DYM: variants seen among roughly 807,000 people sequenced by gnomAD.
The protein encoded by DYM is dymeclin, also known as dyggve-Melchior-Clausen syndrome protein.
In DYM, 78 loss-of-function variants were observed where a neutral mutation model predicts 93.1. The observed-to-expected ratio is 0.84, with a 90% CI of 0.70 to 1.01. The LOEUF (loss-of-function observed/expected upper bound fraction) is 1.01, where lower values mean the gene tolerates loss of function less well. Ranked by LOEUF, DYM falls within the 50% of genes least tolerant of loss-of-function variation. The probability of loss-of-function intolerance (pLI) is 0.00; values close to 1 mark genes in which losing one functional copy is unlikely to be tolerated. For synonymous variants in DYM, 321 were observed against 319.7 expected (o/e 1.00, Z -0.04); for missense variants, 789 against 845.0 (o/e 0.93, Z 0.82).
At chr18:49,100,999 C>G (rs759192359) in intron 16 of DYM, among the ~76,000 whole-genome samples, 1 of 152,194 alleles carries the variant, frequency 6.6e-6, no homozygotes, top group Non-Finnish European at 1.5e-5. Flanking sequence ...GACTGCAACA[C>G]CAGCAAAGAA....
At chr18:49,332,391 C>T (rs139585789) in intron 7 of DYM, among the ~76,000 whole-genome samples, 1,654 of 152,260 alleles carry the variant, frequency 0.011, 15 homozygotes, top group Non-Finnish European at 0.017. Context: ...CGTGAGCCAC[C>T]GTGCCCAGCC....
intron 1 of DYM, among the ~76,000 whole-genome samples, chr18:49,435,099 T>C (rs2080708518): frequency 6.7e-6 from 1 of 149,444 alleles, no homozygotes; most frequent in Non-Finnish European, 1.5e-5. Flanking sequence ...TCCCAGCTTC[T>C]AGGGAGACTA....
At chr18:49,100,213 T>C (rs1018966304) in intron 16 of DYM, among the ~76,000 whole-genome samples, 2 of 152,202 alleles carry the variant, frequency 1.3e-5, no homozygotes, top group Non-Finnish European at 2.9e-5. Flanking sequence ...TAATATTTTC[T>C]TTCCATGCTT....
At chr18:49,257,795 C>T (rs1228274040) in intron 12 of DYM, among the ~76,000 whole-genome samples, 1 of 151,524 alleles carries the variant, frequency 6.6e-6, no homozygotes, top group African/African-American at 2.4e-5. Context: ...TTACAGTGAG[C>T]TATGATTGTG....
Position 49,441,276 on chromosome 18 carries a change from T to TTATATATATATATAATTATATAA in DYM, c.-53-10830_-53-10829insTTATATAATTATATATATATATA, listed in dbSNP as rs1568454725. On this transcript the variant is annotated intron_variant, in intron 1 of 17. Coordinates refer to ENST00000675505, the MANE Select transcript of DYM (RefSeq NM_001353214.3). Reference sequence around the variant, plus strand: ...GTTATATATAATTATATAATATATATTATATAATTATATATAATATAATTA... The same window carrying TTATATATATATATAATTATATAA: ...GTTATATATAATTATATAATATATATTATATATATATATAATTATATAATATATAATTATATATAATATAATTA... Among the ~76,000 whole-genome samples, 39 of 43,294 alleles carry TTATATATATATATAATTATATAA rather than the reference T, an allele frequency of 9.0e-4. 1 individual carries two copies. The highest frequency in any genetic ancestry group is 3.4e-3 in the African/African-American group (37 of 10,776). 28.4% of individuals were successfully genotyped at this position (43,294 alleles called of 152,430 possible). A position where few individuals can be genotyped will look rare whatever the true frequency, so the allele number is the denominator to read the frequency against.
chr18:49,444,667 A>G (rs2081950751), intron 1 of DYM, among the ~76,000 whole-genome samples: 1 of 152,204 alleles, frequency 6.6e-6, no homozygotes, highest in Non-Finnish European at 1.5e-5. Context: ...CGAACATTCC[A>G]CATTTCAAAA....
intron 5 of DYM, among the ~76,000 whole-genome samples, chr18:49,374,257 C>T (rs1292595407): frequency 2.0e-5 from 3 of 152,082 alleles, no homozygotes; most frequent in Non-Finnish European, 4.4e-5. Flanking sequence ...TCTCACACAC[C>T]AACTTAGTTA....
At chr18:49,119,228 A>G (rs931303534) in intron 15 of DYM, among the ~76,000 whole-genome samples, 1 of 152,224 alleles carries the variant, frequency 6.6e-6, no homozygotes, top group Non-Finnish European at 1.5e-5. Context: ...TAATAGATCC[A>G]TATTGGTATT....
chr18:49,258,515 T>G (rs954623145), intron 11 of DYM, 22 bp from the exon 12 acceptor site: 19 of 1,421,718 alleles, frequency 1.3e-5, no homozygotes, highest in Middle Eastern at 1.7e-4. Flanking sequence ...AAGAAAAGTT[T>G]AAGTAAAAAA....
At chr18:49,139,959 C>T (rs367710524) in intron 15 of DYM, among the ~76,000 whole-genome samples, 2 of 152,036 alleles carry the variant, frequency 1.3e-5, no homozygotes, top group African/African-American at 4.8e-5. Context: ...ATCCTGCTGG[C>T]TTTCTCTCTT....
At chr18:49,307,706 G>T (rs2061352502) in intron 8 of DYM, among the ~76,000 whole-genome samples, 1 of 152,060 alleles carries the variant, frequency 6.6e-6, no homozygotes, top group South Asian at 2.1e-4. Flanking sequence ...CTTTAACTTA[G>T]ATCAGAACAA....
chr18:49,388,796 G>A (rs922768128), intron 3 of DYM, among the ~76,000 whole-genome samples: 4 of 149,186 alleles, frequency 2.7e-5, no homozygotes, highest in African/African-American at 9.9e-5. Context: ...AGAAAAGCTA[G>A]AAAATAACGA....
intron 14 of DYM, among the ~76,000 whole-genome samples, chr18:49,170,563 T>C (rs4519395): frequency 0.77 from 116,992 of 151,674 alleles, 45,262 homozygotes; most frequent in Non-Finnish European, 0.81. Flanking sequence ...GGGTGGATCA[T>C]GAGGTCAGGA....
Position 49,081,203 on chromosome 18 carries a change from G to C in DYM, c.2025+16199C>G, listed in dbSNP as rs192897958. Among the ~76,000 whole-genome samples, 15 of 150,442 alleles carry C rather than the reference G, an allele frequency of 1.0e-4. No homozygotes were observed. In the East Asian group the frequency reaches 2.8e-3, roughly 28 times the overall value. ...GCTGAGATCACGCCAGTGCACTCCA[G>C]CCTGGGCACCATTGAGCACTGAGTG... On this transcript the variant is annotated intron_variant, in intron 17 of 17. Transcript: ENST00000675505.
At chr18:49,214,941 T>C (rs933264305) in intron 13 of DYM, among the ~76,000 whole-genome samples, 1 of 152,206 alleles carries the variant, frequency 6.6e-6, no homozygotes, top group East Asian at 1.9e-4. Context: ...GAGGTCATCA[T>C]GTGCAAGATC....
intron 15 of DYM, among the ~76,000 whole-genome samples, chr18:49,130,835 G>A (rs2083314616): frequency 6.6e-6 from 1 of 152,158 alleles, no homozygotes. Flanking sequence ...CGCTATGGGA[G>A]CACTTGGAAT....
At chr18:49,076,054 C>G (rs2077276603) in intron 17 of DYM, among the ~76,000 whole-genome samples, 1 of 152,142 alleles carries the variant, frequency 6.6e-6, no homozygotes, top group South Asian at 2.1e-4. Flanking sequence ...GGCAGTATAA[C>G]AACATTAAAG....
chr18:49,093,937 TA>T (rs1385610715), intron 17 of DYM, among the ~76,000 whole-genome samples: 1 of 152,204 alleles, frequency 6.6e-6, no homozygotes, highest in African/African-American at 2.4e-5. Context: ...GGATATAAAA[TA>T]AAGGCTTTAA....
intron 15 of DYM, among the ~76,000 whole-genome samples, chr18:49,137,163 C>A (rs2083941503): frequency 6.6e-6 from 1 of 152,170 alleles, no homozygotes; most frequent in African/African-American, 2.4e-5. Context: ...TCTGCTATGA[C>A]CAACGTGACA....
Sources: gnomAD v4.1 joint callset for allele counts (sites outside exome capture counted in the v4.1 genomes callset) on GRCh38, gnomAD v4.1.1 for gene constraint, MANE v1.5 for transcripts, NCBI Gene and HGNC (gene_info 2026-07-23, HGNC 2026-07-21) for gene names.